RANBP2: variants seen among roughly 807,000 people sequenced by gnomAD.
RANBP2 encodes RAN binding protein 2, also known as E3 SUMO-protein ligase RanBP2.
A neutral mutation model predicts 303.6 loss-of-function variants in RANBP2; 57 were observed. That is an observed-to-expected ratio of 0.19 (90% CI 0.15 to 0.23). The LOEUF is 0.23. Among genes scored for constraint, RANBP2 ranks in the 10% least tolerant of loss-of-function variants. RANBP2 has a pLI of 1.00. For synonymous variants in RANBP2, 1,167 were observed against 1,301.5 expected (o/e 0.90, Z 2.23); for missense variants, 3,138 against 3,780.8 (o/e 0.83, Z 4.46).
chr2:109,650,988 G>A, the RANBP2 span, among the ~76,000 whole-genome samples: 2 of 152,146 alleles, frequency 1.3e-5, no homozygotes, highest in African/African-American at 4.8e-5. Flanking sequence ...GGCAGAGAGT[G>A]GAGGTAAATG....
the RANBP2 span, among the ~76,000 whole-genome samples, chr2:109,098,777 G>C: frequency 2.0e-5 from 3 of 152,304 alleles, no homozygotes; most frequent in South Asian, 6.2e-4. Context: ...CCAGTATCCT[G>C]GGGCCTCTGA....
At chr2:109,331,047 T>C in the RANBP2 span, among the ~76,000 whole-genome samples, 23 of 152,316 alleles carry the variant, frequency 1.5e-4, no homozygotes, top group South Asian at 4.8e-3. Context: ...CTGTTGACTT[T>C]CACCCAAAAT....
chr2:109,355,160 A>G, the RANBP2 span, among the ~76,000 whole-genome samples: 24 of 152,378 alleles, frequency 1.6e-4, no homozygotes, highest in African/African-American at 5.0e-4. Flanking sequence ...AAAACAGCAT[A>G]TGAAAGTCTA....
At chr2:108,917,320 G>A in the RANBP2 span, among the ~76,000 whole-genome samples, 1 of 152,192 alleles carries the variant, frequency 6.6e-6, no homozygotes, top group Non-Finnish European at 1.5e-5. Context: ...AGCCGGGCAG[G>A]AGGAGTTGTT....
At chr2:108,740,978 A>G (rs1386274051) in intron 7 of RANBP2, among the ~76,000 whole-genome samples, 1 of 152,136 alleles carries the variant, frequency 6.6e-6, no homozygotes, top group Non-Finnish European at 1.5e-5. Flanking sequence ...ATAAAGATGT[A>G]ATCTCGTATT....
rs1488954751 is a variant in RANBP2 at position 108,731,457 on chromosome 2, G to A, written c.388G>A (p.Ala130Thr). 17 of 1,611,430 alleles carry A rather than the reference G, an allele frequency of 1.1e-5. No homozygotes were observed. Among genetic ancestry groups the A allele is most frequent in the East Asian group, 2.2e-5 (1 of 44,774 alleles). The change falls in exon 4 of 29, where the codon GCA becomes ACA. Residue 130 changes from alanine (A) to threonine (T), a missense_variant. Transcript: ENST00000283195. Reference sequence around the variant, plus strand: ...AGCCAAACTTTTCCCAGGAAGTCCTGCAATTTATAAACTAAAGGTAAACAA... The same window carrying A: ...AGCCAAACTTTTCCCAGGAAGTCCTACAATTTATAAACTAAAGGTAAACAA... The part of the protein sequence containing the change: ...RAAKLFPGSP[A>T]IYKLKEQLLD...
chr2:108,930,150 G>T, the RANBP2 span: 1 of 1,614,000 alleles, frequency 6.2e-7, no homozygotes, highest in Non-Finnish European at 8.5e-7. Flanking sequence ...GCCCACACGG[G>T]GGGCACTCCT....
chr2:109,052,109 T>A, the RANBP2 span, among the ~76,000 whole-genome samples: 3 of 152,208 alleles, frequency 2.0e-5, no homozygotes, highest in South Asian at 6.2e-4. Context: ...GTTTAACAAA[T>A]GTATCCAATA....
At chr2:109,011,118 A>C in the RANBP2 span, among the ~76,000 whole-genome samples, 3 of 152,206 alleles carry the variant, frequency 2.0e-5, no homozygotes, top group African/African-American at 7.2e-5. Flanking sequence ...GTCACCTTTC[A>C]TCACTCAGAT....
the RANBP2 span, among the ~76,000 whole-genome samples, chr2:109,546,676 A>G: frequency 6.6e-6 from 1 of 152,326 alleles, no homozygotes; most frequent in East Asian, 1.9e-4. Flanking sequence ...TGAAAACTGT[A>G]CTAGTAAACA....
downstream of RANBP2, among the ~76,000 whole-genome samples, chr2:108,790,382 C>T (rs1325990836): frequency 1.3e-5 from 2 of 152,118 alleles, no homozygotes; most frequent in Admixed American, 6.5e-5. Context: ...TGAAGGTTTT[C>T]ATAACATTGG....
the RANBP2 span, chr2:109,737,551 C>G: frequency 4.0e-6 from 2 of 494,750 alleles, no homozygotes; most frequent in Non-Finnish European, 7.1e-6. Flanking sequence ...AGCCAGATAT[C>G]TCTTTAACGT....
the RANBP2 span, among the ~76,000 whole-genome samples, chr2:109,051,031 C>T: frequency 6.6e-6 from 1 of 152,162 alleles, no homozygotes. Context: ...TCATTGGTCT[C>T]TCCAGTGCCC....
At chr2:109,716,988 T>G in the RANBP2 span, among the ~76,000 whole-genome samples, 1 of 152,254 alleles carries the variant, frequency 6.6e-6, no homozygotes, top group East Asian at 1.9e-4. Flanking sequence ...TTAATTTTTT[T>G]CTTTTGGCAG....
chr2:109,349,474 C>T, the RANBP2 span, among the ~76,000 whole-genome samples: 10 of 152,246 alleles, frequency 6.6e-5, no homozygotes, highest in African/African-American at 2.4e-4. Flanking sequence ...ACACAGAAAC[C>T]CAACTTGCTT....
the RANBP2 span, among the ~76,000 whole-genome samples, chr2:109,606,108 G>T: frequency 3.7e-4 from 57 of 152,208 alleles, no homozygotes; most frequent in Admixed American, 3.7e-3. Flanking sequence ...CAGCTCATGG[G>T]CTGGGAGAAT....
the RANBP2 span, among the ~76,000 whole-genome samples, chr2:109,292,039 A>T: frequency 2.0e-5 from 3 of 151,906 alleles, no homozygotes; most frequent in Non-Finnish European, 2.9e-5. Context: ...AATTTTTTGT[A>T]TTTTTAGTAG....
At chr2:109,173,762 C>T in the RANBP2 span, among the ~76,000 whole-genome samples, 6 of 152,260 alleles carry the variant, frequency 3.9e-5, no homozygotes, top group South Asian at 1.0e-3. Flanking sequence ...GGTAGCCTGC[C>T]TGTGGTGTGT....
chr2:109,093,191 G>A, the RANBP2 span, among the ~76,000 whole-genome samples: 3 of 152,214 alleles, frequency 2.0e-5, no homozygotes, highest in South Asian at 2.1e-4. Flanking sequence ...CAATAGAAAC[G>A]GCTCAATGCT....
Sources: gnomAD v4.1 joint callset for allele counts (sites outside exome capture counted in the v4.1 genomes callset) on GRCh38, gnomAD v4.1.1 for gene constraint, MANE v1.5 for transcripts, NCBI Gene and HGNC (gene_info 2026-07-23, HGNC 2026-07-21) for gene names.